APOB: variants seen among roughly 807,000 people sequenced by gnomAD.
The protein encoded by APOB is apolipoprotein B.
Under a neutral mutation model 314.1 loss-of-function variants are expected in APOB, and 153 were observed. The observed-to-expected ratio is 0.49, with a 90% CI of 0.43 to 0.56. The LOEUF is 0.56. APOB is among the 20% of genes least tolerant of loss of function. The pLI is 0.00. For synonymous variants in APOB, 2,087 were observed against 2,036.4 expected (o/e 1.02, Z -0.67); for missense variants, 5,430 against 5,350.7 (o/e 1.01, Z -0.46).
intron 3 of APOB, among the ~76,000 whole-genome samples, chr2:21,041,812 T>G (rs1664138864): frequency 6.6e-6 from 1 of 152,204 alleles, no homozygotes; most frequent in Non-Finnish European, 1.5e-5. Context: ...CAGCTTGACT[T>G]CTCTTCCCCA....
chr2:21,030,117 G>A (rs1663838011), intron 10 of APOB, 102 bp from the exon 11 acceptor site: 1 of 783,892 alleles, frequency 1.3e-6, no homozygotes. Context: ...AATTCATATG[G>A]AATCCAAAAA....
intron 4 of APOB, among the ~76,000 whole-genome samples, chr2:21,038,661 C>T (rs1313845007): frequency 4.6e-5 from 7 of 152,150 alleles, no homozygotes; most frequent in East Asian, 1.9e-4. Context: ...TTGCTTGGCT[C>T]ATCCAGCCCT....
chr2:21,013,116 G>A (rs1391583497), intron 25 of APOB, 44 bp downstream of exon 25: 2 of 1,611,978 alleles, frequency 1.2e-6, no homozygotes, highest in South Asian at 2.2e-5. Context: ...CTTAGAGCCT[G>A]CCATGAACTA....
In APOB at chr2:21,037,274, C is replaced by T. The variant is rs1260715855; in HGVS notation, c.538-19G>A. 1 of 1,611,732 alleles carries T rather than the reference C, an allele frequency of 6.2e-7. No individual in the cohort carries two copies. The highest frequency in any genetic ancestry group is 1.7e-5 in the Admixed American group (1 of 59,948). On this transcript the variant is annotated intron_variant, in intron 5 of 28. Transcript: ENST00000233242. Reference sequence around the variant, plus strand: ...CGGTATCCTATGGAGGAAGAAGATGCAACCACATGTATTCAACACGGGCAA... The same window carrying T: ...CGGTATCCTATGGAGGAAGAAGATGTAACCACATGTATTCAACACGGGCAA...
chr2:21,017,142 T>C (rs971454327), intron 20 of APOB, among the ~76,000 whole-genome samples: 7 of 151,994 alleles, frequency 4.6e-5, no homozygotes, highest in Non-Finnish European at 7.4e-5. Context: ...TTACTGAATT[T>C]TTTTTTTCTC....
chr2:21,016,292 A>G (rs939593746), intron 21 of APOB, 147 bp downstream of exon 21: 1 of 617,390 alleles, frequency 1.6e-6, no homozygotes, highest in Admixed American at 2.9e-5. Flanking sequence ...ATCTCAAAAA[A>G]AAAAAAAATT....
In APOB at chr2:21,025,084, A is replaced by G; in HGVS notation, c.2285T>C (p.Ile762Thr). The change falls in exon 16 of 29, where the codon ATT becomes ACT. Residue 762 changes from isoleucine (I) to threonine (T), a missense_variant. By Grantham distance (89) the Ile-to-Thr change is moderately conservative (BLOSUM62 -1). Transcript: ENST00000233242. Reference protein sequence around the residue: ...NGIMLSVEKLIKDLKSKEVPE... With the variant: ...NGIMLSVEKLTKDLKSKEVPE... ...GACTTCTTTGGATTTCAAATCTTTA[A>G]TCAGCTTCTCAACACTGAGCATTAT... 6.2e-7 allele frequency: 1 copy of G among 1,614,200 alleles called. No homozygotes were observed. Among genetic ancestry groups the G allele is most frequent in the South Asian group, 1.1e-5 (1 of 91,078 alleles).
chr2:21,042,331 C>G (rs1483297344), intron 3 of APOB, 30 bp downstream of exon 3: 1 of 1,563,846 alleles, frequency 6.4e-7, no homozygotes, highest in Admixed American at 1.7e-5. Flanking sequence ...GCTGTGGGCT[C>G]TAGGTCCCTC....
At chr2:21,017,420 G>A (rs1480264767) in intron 20 of APOB, among the ~76,000 whole-genome samples, 4 of 152,194 alleles carry the variant, frequency 2.6e-5, no homozygotes. Flanking sequence ...GATAGAAGAA[G>A]TGTTATTTCA....
chr2:21,033,206 A>C, intron 9 of APOB, 93 bp downstream of exon 9: 1 of 937,706 alleles, frequency 1.1e-6, no homozygotes, highest in East Asian at 2.4e-5. Flanking sequence ...TTGATATCCA[A>C]ATGGTCCCTG....
chr2:21,011,666 T>G lies in APOB; in HGVS notation c.5202A>C (p.Glu1734Asp), dbSNP rs774469856. The G allele has an allele frequency of 1.9e-6, 3 of 1,614,108 alleles. No homozygotes were observed. In the African/African-American group the frequency reaches 4.0e-5, roughly 22 times the overall value. The part of the protein sequence containing the change: ...KNIFNFKVSQ[E>D]GLKLSNDMMG... The stretch of plus-strand genomic sequence containing the variant: ...TCATGTCATTTGAGAGCTTAAGTCC[T>G]TCTTGACTGACCTTGAAGTTGAAAA... The change falls in exon 26 of 29, where the codon GAA becomes GAC. Residue 1734 changes from glutamate (E) to aspartate (D), a missense_variant. Glu to Asp is a conservative substitution (Grantham distance 45, BLOSUM62 2). Transcript: ENST00000233242.
rs1203659109 is a variant in APOB at position 21,034,847 on chromosome 2, T to A, written c.873A>T (p.Thr291=). The A allele has an allele frequency of 1.2e-6, 2 of 1,606,564 alleles. No homozygotes were observed. Among genetic ancestry groups the A allele is most frequent in the Non-Finnish European group, 1.7e-6 (2 of 1,173,058 alleles). ...CAAAGAAGCGGCTGTTGATCTTTGG[T>A]GTGTCTTCAAGTTTCAAAGTCTGTG... ...QVTQTLKLED[T]PKINSRFFGE... Residue 291 remains threonine (T), a synonymous_variant, in exon 8 of 29, where the codon ACA becomes ACT. Coordinates refer to ENST00000233242, the MANE Select transcript of APOB (RefSeq NM_000384.3).
intron 28 of APOB, among the ~76,000 whole-genome samples, chr2:21,003,904 A>C (rs72902548): frequency 0.015 from 2,291 of 152,226 alleles, 57 homozygotes; most frequent in African/African-American, 0.053. Flanking sequence ...TAGCAATTCT[A>C]TTGTGGGGAA....
At chr2:21,020,920 A>T (rs1663590928) in intron 18 of APOB, among the ~76,000 whole-genome samples, 1 of 151,982 alleles carries the variant, frequency 6.6e-6, no homozygotes, top group Admixed American at 6.6e-5. Context: ...ATTGCTGGTT[A>T]TTCCCCTTCT....
At position 21,012,552 on chromosome 2, in the gene APOB, T is replaced by C; in HGVS notation, c.4316A>G (p.His1439Arg). 8.7e-6 allele frequency: 14 copies of C among 1,614,222 alleles called. No homozygotes were observed. Among genetic ancestry groups the C allele is most frequent in the East Asian group, 2.2e-5 (1 of 44,892 alleles). ...KFLDSNIKFSHVEKLGNNPVS... is the reference protein window; with the variant it reads ...KFLDSNIKFSRVEKLGNNPVS... ...TGGGTTGTTTCCAAGTTTTTCTACA[T>C]GACTGAATTTGATATTCGAATCTAG... Residue 1439 changes from histidine (H) to arginine (R), a missense_variant, in exon 26 of 29, where the codon CAT (histidine) becomes CGT (arginine). His to Arg is a conservative substitution (Grantham distance 29). This residue lies in a region of APOB where 2,085 missense variants were observed against 2,079.7 expected (regional missense o/e 1.00). Coordinates refer to ENST00000233242, the MANE Select transcript of APOB (RefSeq NM_000384.3).
At position 21,002,092 on chromosome 2, in the gene APOB, G is replaced by T; in HGVS notation, c.13330C>A (p.Leu4444Met). 1 of 1,613,944 alleles carries T rather than the reference G, an allele frequency of 6.2e-7. No homozygotes were observed. The highest frequency in any genetic ancestry group is 1.1e-5 in the South Asian group (1 of 91,066). ...AGATATTCCTGAATATTTCTGTGCA[G>T]AAATTGCTCAACTTGACTTGAGAGT... ...SQLSSQVEQF[L>M]HRNIQEYLSI... Residue 4444 changes from leucine (L) to methionine (M), a missense_variant, in exon 29 of 29, where the codon CTG (leucine) becomes ATG (methionine). Physicochemically the swap from Leu to Met is conservative, Grantham distance 15 (BLOSUM62 2). This residue lies in a region of APOB where 3,281 missense variants were observed against 3,171.0 expected (regional missense o/e 1.03). Transcript: ENST00000233242.
intron 10 of APOB, among the ~76,000 whole-genome samples, chr2:21,032,065 A>C (rs1468036568): frequency 1.3e-5 from 2 of 152,238 alleles, no homozygotes; most frequent in Non-Finnish European, 2.9e-5. Context: ...TAACACTTAA[A>C]TAGTAGGAGA....
Position 21,043,569 on chromosome 2 carries a change from G to T in APOB, c.83-18C>A. 1 of 1,595,074 alleles carries T rather than the reference G, an allele frequency of 6.3e-7. No individual in the cohort carries two copies. Among genetic ancestry groups the T allele is most frequent in the Admixed American group, 1.7e-5 (1 of 57,198 alleles). On this transcript the variant is annotated intron_variant, in intron 1 of 28. Transcript: ENST00000233242. ...TTCCTCTTCTGTAAGACAGGAGAAA[G>T]AAATCTGTGAGCTTCCCACGTCTTC...
In APOB at chr2:21,016,609, A is replaced by C. The variant is rs1243621042; in HGVS notation, c.3162T>G (p.Asn1054Lys). ...QTEATMTFKY[N>K]RQSMTLSSEV... is the part of the protein sequence containing the mutation. ...CACTGGACAAGGTCATACTCTGCCGATTATATTTGAATGTCATGGTAGCCT... is the reference window on the plus strand; with the variant it reads ...CACTGGACAAGGTCATACTCTGCCGCTTATATTTGAATGTCATGGTAGCCT... The change falls in exon 21 of 29, where the codon AAT (asparagine) becomes AAG (lysine). Residue 1054 changes from asparagine to lysine, a missense_variant. Physicochemically the swap from Asn to Lys is moderately conservative, Grantham distance 94 (BLOSUM62 0). Around this residue, in one of 3 missense-constraint regions of APOB, gnomAD observed 2,085 missense variants for 2,079.7 expected, o/e 1.00. Transcript: ENST00000233242. 6 of 1,612,276 alleles carry C rather than the reference A, an allele frequency of 3.7e-6. No individual in the cohort carries two copies. The highest frequency in any genetic ancestry group is 5.1e-6 in the Non-Finnish European group (6 of 1,178,432).
Sources: allele counts gnomAD v4.1 joint callset (sites outside exome capture counted in the v4.1 genomes callset), GRCh38; gene constraint gnomAD v4.1.1; regional missense constraint gnomAD v4.1.1; transcripts MANE v1.5; gene names NCBI Gene and HGNC (gene_info 2026-07-23, HGNC 2026-07-21).